Variants in MECOM observed in about 807,000 individuals in gnomAD.
MECOM encodes MDS1 and EVI1 complex locus, also known as histone-lysine N-methyltransferase MECOM.
A neutral mutation model predicts 116.3 loss-of-function variants in MECOM; 13 were observed. That is an observed-to-expected ratio of 0.11 (90% confidence interval 0.07 to 0.18). The LOEUF (loss-of-function observed/expected upper bound fraction) is 0.18, where lower values mean the gene tolerates loss of function less well. MECOM is among the 10% of genes least tolerant of loss of function. The pLI is 1.00. For missense variants in MECOM, 1,299 were observed against 1,509.0 expected, an observed-to-expected ratio of 0.86 and a Z score of 2.31; for synonymous variants, 528 against 535.2, an observed-to-expected ratio of 0.99 and a Z score of 0.19.
chr3:169,368,938 C>T (rs1033544024), intron 2 of MECOM, among the ~76,000 whole-genome samples: 3 of 151,910 alleles, frequency 2.0e-5, no homozygotes, highest in African/African-American at 2.4e-5. Context: ...GTTTCCTAAC[C>T]GGAAGACAAA....
chr3:169,316,939 G>A (rs1042122168), intron 2 of MECOM, among the ~76,000 whole-genome samples: 1 of 152,162 alleles, frequency 6.6e-6, no homozygotes, highest in Non-Finnish European at 1.5e-5. Flanking sequence ...ATTTACATCT[G>A]TCTATCTTAG....
intron 1 of MECOM, among the ~76,000 whole-genome samples, chr3:169,405,989 G>A (rs903978714): frequency 6.6e-6 from 1 of 152,194 alleles, no homozygotes; most frequent in Non-Finnish European, 1.5e-5. Flanking sequence ...GGAGAATGTT[G>A]AAGATTATGG....
At chr3:169,605,461 C>A (rs186186474) in intron 1 of MECOM, among the ~76,000 whole-genome samples, 4 of 152,292 alleles carry the variant, frequency 2.6e-5, no homozygotes, top group African/African-American at 9.6e-5. Context: ...GATTAAGTGA[C>A]AAAATTTTGT....
chr3:169,158,658 C>T (rs1287718452), intron 2 of MECOM, among the ~76,000 whole-genome samples: 2 of 152,130 alleles, frequency 1.3e-5, no homozygotes, highest in African/African-American at 4.8e-5. Flanking sequence ...TCCATTCCAA[C>T]ACTGGATGGT....
At chr3:169,534,117 G>C (rs1240042291) in intron 1 of MECOM, among the ~76,000 whole-genome samples, 1 of 152,150 alleles carries the variant, frequency 6.6e-6, no homozygotes. Context: ...GCACCCAGCA[G>C]ATGCACTATG....
intron 2 of MECOM, among the ~76,000 whole-genome samples, chr3:169,374,202 C>G (rs1238719833): frequency 6.6e-6 from 1 of 151,566 alleles, no homozygotes; most frequent in Non-Finnish European, 1.5e-5. Flanking sequence ...CAAAGAAAGG[C>G]TATATGAGGA....
intron 2 of MECOM, among the ~76,000 whole-genome samples, chr3:169,208,948 C>G (rs1334551745): frequency 6.7e-6 from 1 of 148,268 alleles, no homozygotes; most frequent in Non-Finnish European, 1.5e-5. Context: ...TCAAACTATA[C>G]TACAAGGCCA....
intron 2 of MECOM, among the ~76,000 whole-genome samples, chr3:169,279,827 G>A (rs1416821645): frequency 1.3e-5 from 2 of 152,132 alleles, no homozygotes; most frequent in Non-Finnish European, 2.9e-5. Context: ...TGTTCTAACA[G>A]AACAGTCTTA....
rs757861649 is a variant in MECOM, at chr3:169,092,969, A to G, written c.3153T>C (p.Asn1051=). The G allele has an allele frequency of 5.0e-6, 8 of 1,613,656 alleles. No individual in the cohort carries two copies. The East Asian group carries it at 1.6e-4, about 31-fold the overall frequency. ...NSNHGSQSPR[N]VEERMNGSHF... is the part of the protein sequence containing the mutation. The stretch of plus-strand genomic sequence containing the variant: ...AAAGACAGCTTTACCTCTCCTCCAC[A>G]TTCCTGGGAGATTGGCTGCCATGGT... The change falls in exon 14 of 17, where the codon AAT becomes AAC. Residue 1051 remains asparagine, a synonymous_variant. Coordinates refer to ENST00000651503, the MANE Select transcript of MECOM (RefSeq NM_004991.4).
chr3:169,311,876 C>T lies in MECOM; in HGVS notation c.375+69311G>A, dbSNP rs1298242994. On this transcript the variant is annotated intron_variant, in intron 2 of 16. Coordinates refer to ENST00000651503, the MANE Select transcript of MECOM (RefSeq NM_004991.4). Reference sequence around the variant, plus strand: ...CCTGTGATTCAAAAAAAAGTTGATACCGTGGTTTAAGATGCAATGTTCACA... The same window carrying T: ...CCTGTGATTCAAAAAAAAGTTGATATCGTGGTTTAAGATGCAATGTTCACA... 2.6e-5 allele frequency among the ~76,000 whole-genome samples: 4 copies of T among 152,050 alleles called. No homozygotes were observed. The South Asian group carries it at 8.3e-4, about 31-fold the overall frequency.
At chr3:169,355,260 T>C (rs191124049) in intron 2 of MECOM, among the ~76,000 whole-genome samples, 1 of 152,120 alleles carries the variant, frequency 6.6e-6, no homozygotes, top group East Asian at 1.9e-4. Flanking sequence ...GGCTAGATGC[T>C]ATCTTCAAAC....
intron 2 of MECOM, among the ~76,000 whole-genome samples, chr3:169,378,423 A>G (rs1365424504): frequency 2.2e-4 from 16 of 72,946 alleles, no homozygotes; most frequent in African/African-American, 1.5e-3. Context: ...GAAAGAAAGA[A>G]AGAAAGAAAG....
chr3:169,381,445 G>A lies in MECOM; in HGVS notation c.117C>T (p.Pro39=), dbSNP rs1010992517. 1 of 1,613,720 alleles carries A rather than the reference G, an allele frequency of 6.2e-7. No homozygotes were observed. The highest frequency in any genetic ancestry group is 8.5e-7 in the Non-Finnish European group (1 of 1,179,780). ...MPDADGVAST[P]SLNIQEPCSP... ...AGCATGGCTCTTGAATATTGAGGGA[G>A]GGAGTGCTGGCTACTCCATCTGCAT... The change falls in exon 2 of 17, where the codon CCC becomes CCT. Residue 39 remains proline (P), a synonymous_variant. Transcript: ENST00000651503.
At chr3:169,548,136 AAATT>A (rs1405562700) in intron 1 of MECOM, among the ~76,000 whole-genome samples, 1 of 152,200 alleles carries the variant, frequency 6.6e-6, no homozygotes, top group Non-Finnish European at 1.5e-5. Flanking sequence ...CTCAAGTCTT[AAATT>A]AACTACTAAC....
chr3:169,475,019 T>A (rs1006994032), intron 1 of MECOM, among the ~76,000 whole-genome samples: 1 of 152,190 alleles, frequency 6.6e-6, no homozygotes, highest in African/African-American at 2.4e-5. Flanking sequence ...TTTTTGTGAT[T>A]CTTAAAGCCT....
chr3:169,271,510 A>T (rs1434583767), intron 2 of MECOM, among the ~76,000 whole-genome samples: 1 of 152,242 alleles, frequency 6.6e-6, no homozygotes, highest in African/African-American at 2.4e-5. Flanking sequence ...ATAATTTTTT[A>T]AAGTCTGTGT....
intron 1 of MECOM, among the ~76,000 whole-genome samples, chr3:169,394,497 A>G (rs1350360453): frequency 6.6e-6 from 1 of 152,200 alleles, no homozygotes; most frequent in East Asian, 1.9e-4. Flanking sequence ...CAGATAATCA[A>G]GAGGATTGTG....
chr3:169,545,072 T>C (rs1030559809), intron 1 of MECOM, among the ~76,000 whole-genome samples: 1 of 151,972 alleles, frequency 6.6e-6, no homozygotes. Flanking sequence ...AAAAAGAAAA[T>C]GGTATACGTG....
At chr3:169,271,044 C>T (rs527466065) in intron 2 of MECOM, among the ~76,000 whole-genome samples, 38 of 152,300 alleles carry the variant, frequency 2.5e-4, no homozygotes, top group African/African-American at 9.1e-4. Context: ...CTTCACTCCA[C>T]GTAGACAGTA....
Sources: allele counts gnomAD v4.1 joint callset (sites outside exome capture counted in the v4.1 genomes callset), GRCh38; gene constraint gnomAD v4.1.1; transcripts MANE v1.5; gene names NCBI Gene and HGNC (gene_info 2026-07-23, HGNC 2026-07-21).